The following ZNF831 variants were observed in gnomAD, a reference collection of about 807,000 sequenced individuals.
The protein encoded by ZNF831 is zinc finger protein 831.
A neutral mutation model predicts 95.8 loss-of-function variants in ZNF831; 59 were observed. That is an observed-to-expected ratio of 0.62 (90% CI 0.50 to 0.77). The LOEUF (loss-of-function observed/expected upper bound fraction) is 0.77, where lower values mean the gene tolerates loss of function less well. Among genes scored for constraint, ZNF831 ranks in the 30% least tolerant of loss-of-function variants. The pLI is 0.00. For missense variants in ZNF831, 2,205 were observed against 2,164.0 expected (o/e 1.02, Z -0.38); for synonymous variants, 961 against 925.5 (o/e 1.04, Z -0.70).
At chr20:59,196,030 A>G in intron 3 of ZNF831, 25 bp downstream of exon 3, 2 of 1,609,782 alleles carry the variant, frequency 1.2e-6, no homozygotes, top group Non-Finnish European at 8.5e-7. Flanking sequence ...CACCTCTGTC[A>G]TTTCCACAAA....
intron 4 of ZNF831, 123 bp from the exon 5 acceptor site, chr20:59,252,854 AC>A (rs1987964405): frequency 2.0e-6 from 2 of 980,966 alleles, no homozygotes; most frequent in South Asian, 3.9e-5. Context: ...TCTTGCACAC[AC>A]CCTGTGAGAT....
intron 1 of ZNF831, among the ~76,000 whole-genome samples, chr20:59,180,016 T>C (rs1294929775): frequency 1.3e-5 from 2 of 152,198 alleles, no homozygotes; most frequent in African/African-American, 4.8e-5. Flanking sequence ...GCGTGAAATA[T>C]TAAACAAAGA....
At chr20:59,155,762 C>A (rs558709398) in intron 2 of ZNF831, among the ~76,000 whole-genome samples, 1 of 152,300 alleles carries the variant, frequency 6.6e-6, no homozygotes, top group South Asian at 2.1e-4. Context: ...CAAAAGTCTC[C>A]CCTCCTTTGG....
At chr20:59,225,216 C>T (rs751596234) in intron 4 of ZNF831, among the ~76,000 whole-genome samples, 20 of 152,120 alleles carry the variant, frequency 1.3e-4, no homozygotes, top group Admixed American at 1.2e-3. Context: ...ACCCACTTAA[C>T]GTGGTTTACT....
chr20:59,139,469 C>T (rs1484483918), intron 1 of ZNF831, among the ~76,000 whole-genome samples: 2 of 152,122 alleles, frequency 1.3e-5, no homozygotes, highest in Non-Finnish European at 1.5e-5. Context: ...CAGGATGGCT[C>T]TTAGAGTCCA....
intron 1 of ZNF831, among the ~76,000 whole-genome samples, chr20:59,168,100 G>A (rs1981426779): frequency 6.6e-6 from 1 of 152,012 alleles, no homozygotes; most frequent in Admixed American, 6.5e-5. Context: ...ATAAATTTTA[G>A]AATAATCTTG....
intron 4 of ZNF831, among the ~76,000 whole-genome samples, chr20:59,248,080 T>C (rs1022052586): frequency 6.6e-6 from 1 of 152,266 alleles, no homozygotes; most frequent in African/African-American, 2.4e-5. Flanking sequence ...CAATTATTTC[T>C]GAGGGAAGTT....
intron 4 of ZNF831, among the ~76,000 whole-genome samples, chr20:59,246,006 A>G (rs563224638): frequency 5.9e-5 from 9 of 152,330 alleles, no homozygotes; most frequent in Admixed American, 5.2e-4. Context: ...CTCTGGCACA[A>G]AGGTAGACAT....
intron 4 of ZNF831, among the ~76,000 whole-genome samples, chr20:59,249,965 T>C (rs1987801391): frequency 6.6e-6 from 1 of 152,150 alleles, no homozygotes; most frequent in African/African-American, 2.4e-5. Flanking sequence ...TGGGAACTGA[T>C]GTAGCTGACC....
chr20:59,132,672 C>T (rs1568721061), intron 1 of ZNF831, among the ~76,000 whole-genome samples: 1 of 152,166 alleles, frequency 6.6e-6, no homozygotes, highest in Non-Finnish European at 1.5e-5. Flanking sequence ...AATTGGGCAC[C>T]TTGTCTTTTT....
chr20:59,127,123 A>T (rs1475814744), intron 1 of ZNF831, among the ~76,000 whole-genome samples: 1 of 54,078 alleles, frequency 1.8e-5, no homozygotes, highest in African/African-American at 5.7e-5. Context: ...CCCGGGCAAA[A>T]CTCTCGGAGG....
rs1269367788 is a variant in ZNF831 at position 59,193,328 on chromosome 20, G to A, written c.2309G>A (p.Gly770Glu). ...QMPPAPGPLK[G>E]GDVEAPRPVW... is the part of the protein sequence containing the mutation. Reference sequence around the variant, plus strand: ...CCCCCAGCACCTGGCCCCCTCAAAGGGGGTGATGTAGAGGCTCCCAGGCCA... The same window carrying A: ...CCCCCAGCACCTGGCCCCCTCAAAGAGGGTGATGTAGAGGCTCCCAGGCCA... The change falls in exon 2 of 6, where the codon GGG becomes GAG. Residue 770 changes from glycine (G) to glutamate (E), a missense_variant. Physicochemically the swap from Gly to Glu is moderately conservative, Grantham distance 98. Coordinates refer to ENST00000371030, the MANE Select transcript of ZNF831 (RefSeq NM_178457.3). The A allele has an allele frequency of 4.3e-6, 7 of 1,613,052 alleles. No homozygotes were observed. Among genetic ancestry groups the A allele is most frequent in the African/African-American group, 2.7e-5 (2 of 74,896 alleles).
At chr20:59,154,126 C>T (rs1046443189) in intron 2 of ZNF831, among the ~76,000 whole-genome samples, 8 of 152,160 alleles carry the variant, frequency 5.3e-5, no homozygotes, top group East Asian at 3.9e-4. Context: ...CAATGTGAGA[C>T]GAGCCAAGAT....
intron 3 of ZNF831, among the ~76,000 whole-genome samples, chr20:59,198,602 G>A (rs11906697): frequency 0.22 from 33,866 of 152,116 alleles, 3,968 homozygotes; most frequent in African/African-American, 0.28. Flanking sequence ...AACAAATCAC[G>A]ACAAGAGCCC....
intron 1 of ZNF831, among the ~76,000 whole-genome samples, chr20:59,171,495 A>T (rs906286486): frequency 6.6e-6 from 1 of 152,208 alleles, no homozygotes; most frequent in African/African-American, 2.4e-5. Flanking sequence ...AGATACATCC[A>T]TGCTTCTAGC....
chr20:59,242,116 C>T (rs1287368730), intron 4 of ZNF831, among the ~76,000 whole-genome samples: 1 of 152,156 alleles, frequency 6.6e-6, no homozygotes, highest in Non-Finnish European at 1.5e-5. Context: ...ATTGATGACG[C>T]CAACTCTAAT....
chr20:59,192,595 T>A lies in ZNF831; in HGVS notation c.1576T>A (p.Trp526Arg). Residue 526 changes from tryptophan (W) to arginine (R), a missense_variant, in exon 2 of 6, where the codon TGG becomes AGG. By Grantham distance (101) the Trp-to-Arg change is moderately radical (BLOSUM62 -3). Transcript: ENST00000371030. The surrounding 1 kb of genome is among the most constrained non-coding windows in gnomAD (Gnocchi z 5.2). The stretch of plus-strand genomic sequence containing the variant: ...GGAGCCCAGGGAGCCCCGGGACCCC[T>A]GGTCCAGGACGCAGAAGCCTCTGAG... ...WLEPREPRDP[W>R]SRTQKPLSPR... 1 of 1,509,480 alleles carries A rather than the reference T, an allele frequency of 6.6e-7. No individual in the cohort carries two copies. Among genetic ancestry groups the A allele is most frequent in the Non-Finnish European group, 8.8e-7 (1 of 1,132,746 alleles). The allele number at this position is 1,509,480 out of a possible 1,614,324, so 93.5% of individuals were successfully genotyped here. A position where few individuals can be genotyped will look rare whatever the true frequency, so the allele number is the denominator to read the frequency against.
intron 4 of ZNF831, among the ~76,000 whole-genome samples, chr20:59,231,689 A>G (rs926819863): frequency 6.6e-6 from 1 of 152,180 alleles, no homozygotes; most frequent in Non-Finnish European, 1.5e-5. Context: ...TCCGCTTTCA[A>G]ACATTTCTGT....
intron 4 of ZNF831, among the ~76,000 whole-genome samples, chr20:59,252,531 T>G (rs1987946426): frequency 6.6e-6 from 1 of 152,212 alleles, no homozygotes; most frequent in Non-Finnish European, 1.5e-5. Context: ...CCTCATCCCT[T>G]GCTGCCCAGC....
Sources: gnomAD v4.1 joint callset for allele counts (sites outside exome capture counted in the v4.1 genomes callset) on GRCh38, gnomAD v4.1.1 for gene constraint, Gnocchi (gnomAD v3.1) non-coding constraint, MANE v1.5 for transcripts, NCBI Gene and HGNC (gene_info 2026-07-23, HGNC 2026-07-21) for gene names.